The following CRPPA variants were observed in gnomAD, a reference collection of about 807,000 sequenced individuals.
The protein encoded by CRPPA is CDP-L-ribitol pyrophosphorylase A, also known as D-ribitol-5-phosphate cytidylyltransferase.
A neutral mutation model predicts 52.0 loss-of-function variants in CRPPA; 43 were observed. That is an observed-to-expected ratio of 0.83 (90% CI 0.65 to 1.07). CRPPA has a LOEUF of 1.07. Among genes scored for constraint, CRPPA ranks in the 50% least tolerant of loss-of-function variants. The pLI is 0.00. For synonymous variants in CRPPA, 250 were observed against 203.5 expected, an observed-to-expected ratio of 1.23 and a Z score of -1.94; for missense variants, 629 against 551.7, an observed-to-expected ratio of 1.14 and a Z score of -1.40.
intron 9 of CRPPA, among the ~76,000 whole-genome samples, chr7:16,195,380 C>A (rs1056837146): frequency 6.6e-6 from 1 of 151,990 alleles, no homozygotes; most frequent in Non-Finnish European, 1.5e-5. Flanking sequence ...AAAGATCTGC[C>A]CCTCTCTTCC....
At chr7:16,314,367 C>T (rs1032444411) in intron 3 of CRPPA, among the ~76,000 whole-genome samples, 12 of 151,954 alleles carry the variant, frequency 7.9e-5, no homozygotes, top group Non-Finnish European at 1.6e-4. Flanking sequence ...TAAAATAATC[C>T]TAATTACTCC....
Position 16,229,361 on chromosome 7 carries a change from C to T in CRPPA, c.1120-13164G>A, listed in dbSNP as rs544693362. 3.3e-5 allele frequency among the ~76,000 whole-genome samples: 5 copies of T among 152,012 alleles called. No homozygotes were observed. The East Asian group carries it at 9.7e-4, about 29-fold the overall frequency. On this transcript the variant is annotated intron_variant, in intron 8 of 9. Transcript: ENST00000407010. ...TTTTGCCAATTTTTGTTCCTTTCTT[C>T]CTCTATCTTCCTTTGTGGCCAAGTA...
intron 9 of CRPPA, among the ~76,000 whole-genome samples, chr7:16,195,969 A>G (rs1286859299): frequency 6.6e-6 from 1 of 152,200 alleles, no homozygotes; most frequent in Non-Finnish European, 1.5e-5. Context: ...AGATGGGACC[A>G]TAAAATAATC....
At chr7:16,376,598 T>C (rs766411137) in intron 2 of CRPPA, among the ~76,000 whole-genome samples, 3 of 152,132 alleles carry the variant, frequency 2.0e-5, no homozygotes, top group Non-Finnish European at 2.9e-5. Context: ...TGATATGGAT[T>C]GCAAATTAAT....
At chr7:16,192,219 G>C (rs1445519654) in intron 9 of CRPPA, among the ~76,000 whole-genome samples, 2 of 152,010 alleles carry the variant, frequency 1.3e-5, no homozygotes, top group Non-Finnish European at 2.9e-5. Flanking sequence ...TCCTCTCTCT[G>C]CTAGATGCTT....
chr7:16,400,447 C>G (rs888297476), intron 2 of CRPPA, among the ~76,000 whole-genome samples: 3 of 152,178 alleles, frequency 2.0e-5, no homozygotes, highest in Admixed American at 6.5e-5. Context: ...TTGTGATCAA[C>G]ACTTGTGTGA....
chr7:16,340,194 G>A (rs1785786367), intron 3 of CRPPA, among the ~76,000 whole-genome samples: 1 of 151,996 alleles, frequency 6.6e-6, no homozygotes, highest in South Asian at 2.1e-4. Flanking sequence ...CTTAGGTATG[G>A]CTATAACTTT....
intron 8 of CRPPA, among the ~76,000 whole-genome samples, chr7:16,242,858 A>T (rs1222983271): frequency 6.6e-6 from 1 of 152,192 alleles, no homozygotes; most frequent in Admixed American, 6.5e-5. Flanking sequence ...GCTCACAGTT[A>T]AAAGACTGCA....
At chr7:16,172,136 A>G (rs1583406879) in intron 9 of CRPPA, among the ~76,000 whole-genome samples, 1 of 152,328 alleles carries the variant, frequency 6.6e-6, no homozygotes, top group East Asian at 1.9e-4. Flanking sequence ...TGGTAATTAC[A>G]AGAAATTCTT....
At chr7:16,118,636 G>A (rs1782425018) in intron 9 of CRPPA, among the ~76,000 whole-genome samples, 1 of 152,078 alleles carries the variant, frequency 6.6e-6, no homozygotes, top group East Asian at 1.9e-4. Flanking sequence ...GGACTGCCTG[G>A]GATTCCTTTT....
chr7:16,274,015 C>T (rs541280459), intron 6 of CRPPA, among the ~76,000 whole-genome samples: 9 of 152,266 alleles, frequency 5.9e-5, no homozygotes, highest in Non-Finnish European at 1.3e-4. Context: ...CCTGACACTC[C>T]ATAATCAGTG....
intron 8 of CRPPA, among the ~76,000 whole-genome samples, chr7:16,254,362 G>C (rs1258904074): frequency 2.6e-5 from 4 of 152,126 alleles, no homozygotes; most frequent in African/African-American, 9.7e-5. Context: ...CGATAGACTG[G>C]ATTAAGAAAA....
intron 1 of CRPPA, among the ~76,000 whole-genome samples, chr7:16,410,184 C>T (rs1788048537): frequency 1.3e-5 from 2 of 152,304 alleles, no homozygotes; most frequent in South Asian, 4.1e-4. Flanking sequence ...GCTGGGATTA[C>T]TTTCATATTT....
At chr7:16,233,596 T>A (rs990908350) in intron 8 of CRPPA, among the ~76,000 whole-genome samples, 2 of 152,192 alleles carry the variant, frequency 1.3e-5, no homozygotes, top group Non-Finnish European at 2.9e-5. Context: ...TAAAATTCAA[T>A]GCATGTCTGC....
intron 2 of CRPPA, among the ~76,000 whole-genome samples, chr7:16,382,434 T>C (rs1787122591): frequency 6.6e-6 from 1 of 152,222 alleles, no homozygotes; most frequent in Non-Finnish European, 1.5e-5. Context: ...ATTTTTTCTT[T>C]CATTTCAACT....
intron 3 of CRPPA, among the ~76,000 whole-genome samples, chr7:16,356,279 CCTT>C (rs1419770468): frequency 1.1e-4 from 16 of 152,334 alleles, no homozygotes; most frequent in Non-Finnish European, 2.2e-4. Flanking sequence ...GAAGGTACTA[CCTT>C]CTTTCTTGGG....
chr7:16,113,596 C>T (rs1395722107), intron 9 of CRPPA, among the ~76,000 whole-genome samples: 3 of 151,998 alleles, frequency 2.0e-5, no homozygotes, highest in Non-Finnish European at 4.4e-5. Context: ...ATTAGCCTGG[C>T]AGCGTCTCTC....
intron 3 of CRPPA, among the ~76,000 whole-genome samples, chr7:16,328,857 A>C (rs1269699101): frequency 1.3e-5 from 2 of 152,120 alleles, no homozygotes; most frequent in Admixed American, 6.5e-5. Flanking sequence ...ATTTTGAGAG[A>C]GAATATATGG....
rs545663821 is a variant in CRPPA at position 16,303,477 on chromosome 7, T to TAAAAAAA, written c.790-2018_790-2012dup. Among the ~76,000 whole-genome samples, 21 of 44,976 alleles carry TAAAAAAA rather than the reference T, an allele frequency of 4.7e-4. 1 individual carries two copies. Among genetic ancestry groups the TAAAAAAA allele is most frequent in the African/African-American group, 1.2e-3 (14 of 12,080 alleles). The allele number at this position is 44,976 out of a possible 152,430, so 29.5% of individuals were successfully genotyped here. ...GTTTCTGTGTTGAGACATAAAATAG[T>TAAAAAAA]AAAAAAAAAAAAAAAAAAAAAAAAA... On this transcript the variant is annotated intron_variant, in intron 4 of 9. Transcript: ENST00000407010.
Sources: gnomAD v4.1 joint callset for allele counts (sites outside exome capture counted in the v4.1 genomes callset) on GRCh38, gnomAD v4.1.1 for gene constraint, MANE v1.5 for transcripts, NCBI Gene and HGNC (gene_info 2026-07-23, HGNC 2026-07-21) for gene names.